The following SOS1 variants were observed in gnomAD, a reference collection of about 807,000 sequenced individuals.
SOS1 encodes the protein SOS Ras/Rac guanine nucleotide exchange factor 1, also known as son of sevenless homolog 1.
SOS1 carries 25 observed loss-of-function variants against 157.6 expected under a neutral mutation model. That is an observed-to-expected ratio of 0.16 (90% confidence interval 0.12 to 0.22). SOS1 has a LOEUF of 0.22. Ranked by LOEUF, SOS1 falls within the 10% of genes least tolerant of loss-of-function variation. The probability of loss-of-function intolerance (pLI) is 1.00; values close to 1 mark genes in which losing one functional copy is unlikely to be tolerated. For missense variants in SOS1, 1,237 were observed against 1,599.1 expected, an observed-to-expected ratio of 0.77 and a Z score of 3.86; for synonymous variants, 528 against 534.0, an observed-to-expected ratio of 0.99 and a Z score of 0.16.
At chr2:39,104,288 A>C (rs1039978996) in intron 1 of SOS1, among the ~76,000 whole-genome samples, 8 of 152,132 alleles carry the variant, frequency 5.3e-5, no homozygotes, top group Non-Finnish European at 1.2e-4. Context: ...ATCTCAAATA[A>C]ATAAATAAAT....
In SOS1 at chr2:39,010,614, T is replaced by C; in HGVS notation, c.2480A>G (p.His827Arg). ...NSPNLLKMIRHTTNLTLWFEK... is the reference protein window; with the variant it reads ...NSPNLLKMIRRTTNLTLWFEK... ...AAACCACAGAGTGAGGTTGGTGGTA[T>C]GTCGAATCATTTTCAGAAGATTAGG... The change falls in exon 15 of 23, where the codon CAT (histidine) becomes CGT (arginine). Residue 827 changes from histidine (H) to arginine (R), a missense_variant. His to Arg is a conservative substitution (Grantham distance 29, BLOSUM62 0). This residue lies in a region of SOS1 where 105 missense variants were observed against 236.0 expected (regional missense o/e 0.44). Transcript: ENST00000402219. 1 of 1,611,076 alleles carries C rather than the reference T, an allele frequency of 6.2e-7. No homozygotes were observed.
At chr2:39,068,306 T>A (rs1175383095) in intron 1 of SOS1, among the ~76,000 whole-genome samples, 2 of 152,154 alleles carry the variant, frequency 1.3e-5, no homozygotes, top group African/African-American at 4.8e-5. Flanking sequence ...GGTTACAATA[T>A]GATGCAGAAA....
Position 39,024,036 on chromosome 2 carries a change from A to G in SOS1, c.1176T>C (p.Ser392=). 1.2e-6 allele frequency: 2 copies of G among 1,602,146 alleles called. No individual in the cohort carries two copies. The highest frequency in any genetic ancestry group is 1.7e-6 in the Non-Finnish European group (2 of 1,169,396). ...TCAGTCTTCGTTTTGCAAGACTTTT[A>G]GAACATATTTTTTCCATACCACTCT... ...NVQSGMEKIC[S]KSLAKRRLSE... The change falls in exon 9 of 23, where the codon TCT becomes TCC. Residue 392 remains serine (S), a synonymous_variant. Transcript: ENST00000402219.
chr2:39,084,227 C>T (rs1435840232), intron 1 of SOS1, among the ~76,000 whole-genome samples: 2 of 152,026 alleles, frequency 1.3e-5, no homozygotes, highest in East Asian at 3.8e-4. Context: ...ACTAATACAA[C>T]TATATATGTA....
At chr2:39,080,366 T>C (rs941288048) in intron 1 of SOS1, among the ~76,000 whole-genome samples, 2 of 152,144 alleles carry the variant, frequency 1.3e-5, no homozygotes, top group Non-Finnish European at 2.9e-5. Context: ...TAAATACAGA[T>C]GAAGCTTTGC....
At chr2:39,005,688 A>T (rs1035269807) in intron 17 of SOS1, among the ~76,000 whole-genome samples, 5 of 152,050 alleles carry the variant, frequency 3.3e-5, no homozygotes, top group Admixed American at 6.5e-5. Context: ...ATGCAGTGGG[A>T]TTTAAAACTA....
intron 8 of SOS1, among the ~76,000 whole-genome samples, chr2:39,031,957 A>G (rs1455850430): frequency 6.6e-6 from 1 of 152,166 alleles, no homozygotes; most frequent in African/African-American, 2.4e-5. Context: ...CTGCTGAAGG[A>G]AAGAGTATTT....
chr2:39,098,915 C>A (rs746907500), intron 1 of SOS1, among the ~76,000 whole-genome samples: 1 of 152,042 alleles, frequency 6.6e-6, no homozygotes, highest in African/African-American at 2.4e-5. Context: ...TACAACTCAA[C>A]AGTAAAAAGA....
Position 38,985,856 on chromosome 2 carries a change from G to A in SOS1, c.3970C>T (p.Pro1324Ser). The part of the protein sequence containing the change: ...HTHPSMHRDG[P>S]PLLENAHSS ...GAATGGGCATTCTCCAACAGTGGTG[G>A]TCCATCTCTGTGCATGGATGGGTGT... Residue 1324 changes from proline (P) to serine (S), a missense_variant, in exon 23 of 23, where the codon CCA becomes TCA. By Grantham distance (74) the Pro-to-Ser change is moderately conservative. This residue lies in a region of SOS1 where 306 missense variants were observed against 322.6 expected (regional missense o/e 0.95). Coordinates refer to ENST00000402219, the MANE Select transcript of SOS1 (RefSeq NM_005633.4). The A allele has an allele frequency of 6.2e-7, 1 of 1,613,822 alleles. No individual in the cohort carries two copies. The highest frequency in any genetic ancestry group is 2.2e-5 in the East Asian group (1 of 44,868).
At chr2:38,990,508 C>G (rs1418057979) in intron 20 of SOS1, among the ~76,000 whole-genome samples, 1 of 152,078 alleles carries the variant, frequency 6.6e-6, no homozygotes, top group Non-Finnish European at 1.5e-5. Context: ...AAAAGGGAGC[C>G]AGAGATCTGA....
chr2:39,000,705 C>G (rs1200583068), intron 17 of SOS1, among the ~76,000 whole-genome samples: 3 of 152,212 alleles, frequency 2.0e-5, no homozygotes, highest in African/African-American at 4.8e-5. Flanking sequence ...CTACACAGTG[C>G]TGTGACTTAT....
At chr2:38,998,028 C>T (rs1028424030) in intron 17 of SOS1, among the ~76,000 whole-genome samples, 1 of 152,144 alleles carries the variant, frequency 6.6e-6, no homozygotes, top group African/African-American at 2.4e-5. Flanking sequence ...GCAAGCCTGT[C>T]AAATGTGGGA....
chr2:39,043,394 T>C (rs1184334023), intron 6 of SOS1, among the ~76,000 whole-genome samples: 1 of 152,240 alleles, frequency 6.6e-6, no homozygotes, highest in Non-Finnish European at 1.5e-5. Flanking sequence ...TCATAGTTTT[T>C]TCTTTACTGT....
intron 8 of SOS1, among the ~76,000 whole-genome samples, chr2:39,032,354 T>A (rs917293075): frequency 4.6e-5 from 7 of 152,216 alleles, no homozygotes; most frequent in African/African-American, 1.7e-4. Flanking sequence ...ATACTATTAA[T>A]AGCTAAACTT....
At position 39,121,022 on chromosome 2, in the gene SOS1, CCTACTAGCGAACTGAACCTGCTCG is replaced by C. The variant is rs1366784419; in HGVS notation, c.-624_-601del. Reference sequence around the variant, plus strand: ...CGCCGCCGGTGTAGCGCTGGAGCTTCCTACTAGCGAACTGAACCTGCTCGCTACTGAGCATGCGCTGCCGTGCTG... The same window carrying C: ...CGCCGCCGGTGTAGCGCTGGAGCTTCCTACTGAGCATGCGCTGCCGTGCTG... On this transcript the variant is annotated 5_prime_UTR_variant, in exon 1 of 23. Coordinates refer to ENST00000402219, the MANE Select transcript of SOS1 (RefSeq NM_005633.4). 5.9e-6 allele frequency: 1 copy of C among 168,178 alleles called. No homozygotes were observed. The highest frequency in any genetic ancestry group is 2.4e-5 in the African/African-American group (1 of 41,636). 10.4% of individuals were successfully genotyped at this position (168,178 alleles called of 1,614,324 possible). A position where few individuals can be genotyped will look rare whatever the true frequency, so the allele number is the denominator to read the frequency against.
At chr2:39,056,544 C>T (rs942361610) in intron 4 of SOS1, among the ~76,000 whole-genome samples, 158 bp downstream of exon 4, 4 of 152,282 alleles carry the variant, frequency 2.6e-5, no homozygotes, top group South Asian at 4.1e-4. Flanking sequence ...TATCTAATGT[C>T]TTATTTCTAT....
At chr2:39,104,007 C>G (rs1673071544) in intron 1 of SOS1, among the ~76,000 whole-genome samples, 1 of 152,174 alleles carries the variant, frequency 6.6e-6, no homozygotes, top group Non-Finnish European at 1.5e-5. Context: ...GGTCCAGGCG[C>G]AGTGGCTCAC....
intron 20 of SOS1, chr2:38,992,552 C>T (rs993655357): frequency 6.6e-6 from 1 of 152,186 alleles, no homozygotes; most frequent in Admixed American, 6.5e-5. Context: ...ATTTCTTCTT[C>T]GCTGCTTAGC....
intron 6 of SOS1, among the ~76,000 whole-genome samples, chr2:39,040,599 CTTATT>C (rs1417741047): frequency 2.6e-5 from 4 of 152,230 alleles, no homozygotes; most frequent in East Asian, 3.9e-4. Flanking sequence ...TTGTGTTTGG[CTTATT>C]TTATTAGCAT....
Sources: gnomAD v4.1 joint callset for allele counts (sites outside exome capture counted in the v4.1 genomes callset) on GRCh38, gnomAD v4.1.1 for gene constraint, gnomAD v4.1.1 regional missense constraint, MANE v1.5 for transcripts, NCBI Gene and HGNC (gene_info 2026-07-23, HGNC 2026-07-21) for gene names.